The following TPD52L1 variants were observed in gnomAD, a reference collection of about 807,000 sequenced individuals.
TPD52L1 encodes the protein tumor protein D53.
In TPD52L1, 18 loss-of-function variants were observed where a neutral mutation model predicts 28.7. That is an observed-to-expected ratio of 0.63 (90% CI 0.43 to 0.93). TPD52L1 has a LOEUF of 0.93. Ranked by LOEUF, TPD52L1 falls within the 40% of genes least tolerant of loss-of-function variation. The pLI, the probability that TPD52L1 is intolerant of heterozygous loss-of-function variation, is 0.00. For synonymous variants in TPD52L1, 75 were observed against 88.8 expected (o/e 0.84, Z 0.88); for missense variants, 203 against 254.8 (o/e 0.80, Z 1.39).
At chr6:125,158,894 T>C (rs934212521) in intron 1 of TPD52L1, among the ~76,000 whole-genome samples, 2 of 152,366 alleles carry the variant, frequency 1.3e-5, no homozygotes, top group Middle Eastern at 3.4e-3. Flanking sequence ...CTGTAGTTTG[T>C]TAAATGTGCA....
chr6:125,154,466 G>A (rs910788029), intron 1 of TPD52L1: 8 of 985,946 alleles, frequency 8.1e-6, no homozygotes, highest in African/African-American at 1.7e-5. Context: ...GACGCTTCCC[G>A]CTCGGGGACC....
chr6:125,233,002 CT>C (rs1796039466), intron 3 of TPD52L1, among the ~76,000 whole-genome samples: 1 of 152,070 alleles, frequency 6.6e-6, no homozygotes. Context: ...AATTGAATCT[CT>C]TCTGTAGGCA....
At chr6:125,208,372 G>A (rs1020493991) in intron 1 of TPD52L1, among the ~76,000 whole-genome samples, 4 of 152,222 alleles carry the variant, frequency 2.6e-5, no homozygotes, top group Admixed American at 6.5e-5. Context: ...AGGGCCTGGG[G>A]AAGAGGAGTA....
chr6:125,196,156 G>A (rs1250780123), intron 1 of TPD52L1, among the ~76,000 whole-genome samples: 1 of 152,064 alleles, frequency 6.6e-6, no homozygotes, highest in African/African-American at 2.4e-5. Flanking sequence ...CTTAAATTTG[G>A]CTCTAAATGT....
intron 3 of TPD52L1, among the ~76,000 whole-genome samples, chr6:125,235,753 A>G (rs1796228409): frequency 1.3e-5 from 2 of 152,210 alleles, no homozygotes. Flanking sequence ...AAGAAATATG[A>G]TGGTTAGCTG....
chr6:125,249,888 A>G (rs1332237244), intron 4 of TPD52L1, among the ~76,000 whole-genome samples: 2 of 152,110 alleles, frequency 1.3e-5, no homozygotes, highest in Non-Finnish European at 2.9e-5. Flanking sequence ...GAATCTGAGT[A>G]CATTGTTTTA....
At chr6:125,219,934 G>GAAAAAAAAAA in intron 1 of TPD52L1, 144 bp from the exon 2 acceptor site, 1 of 707,394 alleles carries the variant, frequency 1.4e-6, no homozygotes, top group Non-Finnish European at 2.6e-6. Flanking sequence ...ACACATTTAG[G>GAAAAAAAAAA]AGGATTTTTG....
intron 1 of TPD52L1, among the ~76,000 whole-genome samples, chr6:125,212,672 T>A (rs1007247476): frequency 1.3e-5 from 2 of 152,214 alleles, no homozygotes; most frequent in Non-Finnish European, 2.9e-5. Context: ...GGTGCCAGAC[T>A]AGCTTTAGTT....
At chr6:125,200,647 C>A (rs1793744754) in intron 1 of TPD52L1, among the ~76,000 whole-genome samples, 1 of 152,172 alleles carries the variant, frequency 6.6e-6, no homozygotes, top group Non-Finnish European at 1.5e-5. Flanking sequence ...CATACAAATG[C>A]ATGGATGTTC....
intron 1 of TPD52L1, among the ~76,000 whole-genome samples, chr6:125,185,133 G>A (rs1434410513): frequency 6.6e-6 from 1 of 152,152 alleles, no homozygotes; most frequent in Admixed American, 6.5e-5. Flanking sequence ...AAACTTCCAT[G>A]TCCAAATAAC....
At chr6:125,245,169 G>A (rs910643411) in intron 3 of TPD52L1, among the ~76,000 whole-genome samples, 2 of 152,180 alleles carry the variant, frequency 1.3e-5, no homozygotes, top group Admixed American at 6.5e-5. Flanking sequence ...TGGGTTTAAC[G>A]TGCCGGCTTT....
intron 6 of TPD52L1, chr6:125,260,886 A>G (rs1180048329): frequency 6.7e-6 from 1 of 149,886 alleles, no homozygotes; most frequent in Non-Finnish European, 1.5e-5. Flanking sequence ...AGAAAGAAAA[A>G]GAAAAGAGAG....
intron 1 of TPD52L1, among the ~76,000 whole-genome samples, chr6:125,217,164 A>G (rs1395114946): frequency 6.6e-6 from 1 of 152,202 alleles, no homozygotes; most frequent in Non-Finnish European, 1.5e-5. Flanking sequence ...CTAAGGCAGC[A>G]GTCCCCAACC....
At chr6:125,156,463 C>CAAAA (rs758623258) in intron 1 of TPD52L1, among the ~76,000 whole-genome samples, 110 of 37,196 alleles carry the variant, frequency 3.0e-3, no homozygotes, top group African/African-American at 7.7e-3. Flanking sequence ...GACCTTGTCT[C>CAAAA]AAAAAAAAAA....
intron 1 of TPD52L1, among the ~76,000 whole-genome samples, chr6:125,183,912 A>G (rs943131392): frequency 7.2e-5 from 11 of 152,240 alleles, no homozygotes; most frequent in Non-Finnish European, 1.0e-4. Context: ...TATTGAAAGA[A>G]AAACTTTGTC....
At chr6:125,250,950 T>A (rs1376616652) in intron 4 of TPD52L1, among the ~76,000 whole-genome samples, 2 of 152,228 alleles carry the variant, frequency 1.3e-5, no homozygotes, top group Non-Finnish European at 2.9e-5. Flanking sequence ...AGAGCTTTAT[T>A]TATATAATAT....
intron 1 of TPD52L1, among the ~76,000 whole-genome samples, chr6:125,161,428 A>G (rs2114740304): frequency 6.6e-6 from 1 of 152,294 alleles, no homozygotes; most frequent in East Asian, 1.9e-4. Flanking sequence ...TTTCCTTCAC[A>G]TTCACAACTT....
At chr6:125,195,976 C>T (rs1467579797) in intron 1 of TPD52L1, among the ~76,000 whole-genome samples, 1 of 152,088 alleles carries the variant, frequency 6.6e-6, no homozygotes, top group Admixed American at 6.5e-5. Context: ...ATCTCCAGGA[C>T]CTAGAATAGT....
chr6:125,257,013 T>TACAG (rs1797647340), intron 5 of TPD52L1, 85 bp from the exon 6 acceptor site: 1 of 1,222,980 alleles, frequency 8.2e-7, no homozygotes, highest in African/African-American at 1.5e-5. Context: ...AGGCCGTGTT[T>TACAG]ACAGATATGA....
Sources: allele counts gnomAD v4.1 joint callset (sites outside exome capture counted in the v4.1 genomes callset), GRCh38; gene constraint gnomAD v4.1.1; transcripts MANE v1.5; gene names NCBI Gene and HGNC (gene_info 2026-07-23, HGNC 2026-07-21).